The following LRSAM1 variants were observed in gnomAD, a reference collection of about 807,000 sequenced individuals.
LRSAM1 encodes the protein E3 ubiquitin-protein ligase LRSAM1.
A neutral mutation model predicts 118.1 loss-of-function variants in LRSAM1; 96 were observed. That is an observed-to-expected ratio of 0.81 (90% CI 0.69 to 0.96). The LOEUF (loss-of-function observed/expected upper bound fraction) is 0.96, where lower values mean the gene tolerates loss of function less well. LRSAM1 is among the 40% of genes least tolerant of loss of function. The probability of loss-of-function intolerance (pLI) is 0.00; values close to 1 mark genes in which losing one functional copy is unlikely to be tolerated. For synonymous variants in LRSAM1, 322 were observed against 364.2 expected (o/e 0.88, Z 1.32); for missense variants, 804 against 915.5 (o/e 0.88, Z 1.57).
At chr9:127,470,157 G>A (rs1269201113) in intron 10 of LRSAM1, among the ~76,000 whole-genome samples, 1 of 151,922 alleles carries the variant, frequency 6.6e-6, no homozygotes, top group African/African-American at 2.4e-5. Flanking sequence ...CTAGGTACAT[G>A]CCTGTATTAG....
chr9:127,457,563 G>A, intron 6 of LRSAM1, 170 bp downstream of exon 6: 1 of 706,902 alleles, frequency 1.4e-6, no homozygotes, highest in Non-Finnish European at 2.5e-6. Context: ...CTGTGTGTGG[G>A]TTAGGGTGAC....
intron 19 of LRSAM1, among the ~76,000 whole-genome samples, chr9:127,490,058 C>T (rs1198504774): frequency 6.7e-6 from 1 of 149,808 alleles, no homozygotes; most frequent in Non-Finnish European, 1.5e-5. Context: ...CAAGATACCC[C>T]CCACCCCCCG....
chr9:127,503,177 T>G lies in LRSAM1; in HGVS notation c.*278T>G. 2 of 486,248 alleles carry G rather than the reference T, an allele frequency of 4.1e-6. No individual in the cohort carries two copies. Among genetic ancestry groups the G allele is most frequent in the Non-Finnish European group, 7.6e-6 (2 of 264,654 alleles). The allele number at this position is 486,248 out of a possible 1,614,324, so 30.1% of individuals were successfully genotyped here. A position where few individuals can be genotyped will look rare whatever the true frequency, so the allele number is the denominator to read the frequency against. ...GAGCCTGGGAGCCAGCGTCCCAGCC[T>G]AATCACGGATCTGCTGCCTCCCAGC... On this transcript the variant is annotated 3_prime_UTR_variant, in exon 26 of 26. Transcript: ENST00000300417.
chr9:127,470,979 T>A (rs1214927714), intron 10 of LRSAM1: 1 of 151,922 alleles, frequency 6.6e-6, no homozygotes, highest in South Asian at 2.1e-4. Flanking sequence ...TGCACTTGAC[T>A]AATCTTAAAA....
intron 15 of LRSAM1, 48 bp downstream of exon 15, chr9:127,481,275 A>G: frequency 6.5e-7 from 1 of 1,540,392 alleles, no homozygotes; most frequent in Non-Finnish European, 8.9e-7. Context: ...TTTTTTTGAG[A>G]CGGAGTCCTG....
chr9:127,456,093 G>A (rs10987655), intron 5 of LRSAM1, among the ~76,000 whole-genome samples: 2 of 149,254 alleles, frequency 1.3e-5, no homozygotes, highest in Non-Finnish European at 3.0e-5. Flanking sequence ...TGATTTTTCA[G>A]CAGAGCATTG....
chr9:127,479,808 A>G (rs1291593548), intron 13 of LRSAM1, 31 bp from the exon 14 acceptor site: 2 of 1,607,890 alleles, frequency 1.2e-6, no homozygotes, highest in African/African-American at 2.7e-5. Context: ...AGGGGGTCCC[A>G]GGGGCTCAGG....
chr9:127,485,117 T>G (rs1475052431), intron 16 of LRSAM1, among the ~76,000 whole-genome samples: 1 of 152,152 alleles, frequency 6.6e-6, no homozygotes, highest in Non-Finnish European at 1.5e-5. Flanking sequence ...CTATTTTAAT[T>G]TGTTTAATTC....
intron 6 of LRSAM1, 81 bp from the exon 7 acceptor site, chr9:127,458,922 C>G (rs1834629413): frequency 1.4e-6 from 2 of 1,453,312 alleles, no homozygotes; most frequent in Admixed American, 3.3e-5. Context: ...TGAGGTGGCC[C>G]CAGCCCCTCC....
chr9:127,469,921 C>T (rs187985772), intron 10 of LRSAM1, among the ~76,000 whole-genome samples: 6 of 151,706 alleles, frequency 4.0e-5, no homozygotes, highest in Admixed American at 1.3e-4. Context: ...GCCGAGATTG[C>T]GCCACTGCAC....
chr9:127,479,963 TG>T lies in LRSAM1; in HGVS notation c.1029del (p.Gln344ArgfsTer13). The T allele has an allele frequency of 1.2e-6, 2 of 1,614,192 alleles. No individual in the cohort carries two copies. Among genetic ancestry groups the T allele is most frequent in the Non-Finnish European group, 1.7e-6 (2 of 1,180,038 alleles). On this transcript the variant is annotated frameshift_variant, in exon 14 of 26. Coordinates refer to ENST00000300417, the MANE Select transcript of LRSAM1 (RefSeq NM_001005373.4). LOFTEE classifies it high-confidence loss of function. ...QNISSRIQKL[L>X]QDNQRQKKSS... ...ATTTCCAGCCGGATCCAGAAGCTGCTGCAGGACAATCAGAGGTTGGGCTCTG... is the reference window on the plus strand; with the variant it reads ...ATTTCCAGCCGGATCCAGAAGCTGCTCAGGACAATCAGAGGTTGGGCTCTG...
chr9:127,472,177 G>A (rs888689883), intron 10 of LRSAM1, among the ~76,000 whole-genome samples: 7 of 150,032 alleles, frequency 4.7e-5, no homozygotes, highest in Non-Finnish European at 8.9e-5. Context: ...GGTCAGGCTG[G>A]TCTCGAACTC....
At chr9:127,490,176 T>C (rs138860248) in intron 19 of LRSAM1, among the ~76,000 whole-genome samples, 90 of 152,370 alleles carry the variant, frequency 5.9e-4, no homozygotes, top group African/African-American at 2.1e-3. Context: ...CGTCAGGCTA[T>C]GGGAGTACTC....
chr9:127,502,754 C>T lies in LRSAM1; in HGVS notation c.2047-20C>T, dbSNP rs1201073400. 6.2e-7 allele frequency: 1 copy of T among 1,610,626 alleles called. No individual in the cohort carries two copies. Among genetic ancestry groups the T allele is most frequent in the Non-Finnish European group, 8.5e-7 (1 of 1,178,870 alleles). On this transcript the variant is annotated intron_variant, in intron 25 of 25. Transcript: ENST00000300417. ...GGAACCCGGTAGGGCCAGCCACATG[C>T]TCCCGCTCTCCCTCCCCAGGCCCAG... is the stretch of plus-strand genomic sequence containing the variant.
intron 11 of LRSAM1, among the ~76,000 whole-genome samples, chr9:127,477,986 T>G (rs1032906036): frequency 1.3e-5 from 2 of 149,140 alleles, no homozygotes; most frequent in African/African-American, 5.0e-5. Flanking sequence ...GAGGTGGAGG[T>G]TGCAGTGAGC....
rs888908748 is a variant in LRSAM1, at chr9:127,465,409, C to G, written c.529-2331C>G. Among the ~76,000 whole-genome samples the G allele has an allele frequency of 1.3e-4, 20 of 152,194 alleles. No homozygotes were observed. The highest frequency in any genetic ancestry group is 4.8e-4 in the African/African-American group (20 of 41,444). Reference sequence around the variant, plus strand: ...TATTTTCAGTTACTTAAAATGTAACCATAAATGGCCACACATGGCTTGTAG... The same window carrying G: ...TATTTTCAGTTACTTAAAATGTAACGATAAATGGCCACACATGGCTTGTAG... On this transcript the variant is annotated intron_variant, in intron 9 of 25. Transcript: ENST00000300417. This position sits in a 1 kb window ranked among gnomAD's most constrained non-coding sequence, Gnocchi z 4.1.
chr9:127,486,362 G>T (rs1835731462), intron 17 of LRSAM1: 1 of 171,786 alleles, frequency 5.8e-6, no homozygotes, highest in Non-Finnish European at 1.3e-5. Context: ...CTGCTCTGGG[G>T]TCCGGCTCCC....
rs577254396 is a variant in LRSAM1, at chr9:127,497,258, C to T, written c.1836C>T (p.Gly612=). 44 of 1,613,116 alleles carry T rather than the reference C, an allele frequency of 2.7e-5. No individual in the cohort carries two copies. Among genetic ancestry groups the T allele is most frequent in the South Asian group, 1.6e-4 (15 of 91,078 alleles). Residue 612 remains glycine, a synonymous_variant, in exon 24 of 26, where the codon GGC becomes GGT. Coordinates refer to ENST00000300417, the MANE Select transcript of LRSAM1 (RefSeq NM_001005373.4). ...ACTTCCTTGAACTGTCACAGGTGGG[C>T]GTCTCAGAAGCTGGCCTGCAGCACG... ...QMSPGDLAKV[G]VSEAGLQHEI... is the part of the protein sequence containing the mutation.
chr9:127,473,877 G>A lies in LRSAM1; in HGVS notation c.696G>A (p.Arg232=). The part of the protein sequence containing the change: ...ILEQDGIENS[R]DSPDGPTDRF... Reference sequence around the variant, plus strand: ...AGCAAGATGGAATCGAGAACTCTCGGGACAGCCCTGATGGGCCCACGGACA... The same window carrying A: ...AGCAAGATGGAATCGAGAACTCTCGAGACAGCCCTGATGGGCCCACGGACA... Residue 232 remains arginine, a synonymous_variant, in exon 11 of 26, where the codon CGG becomes CGA. Transcript: ENST00000300417. 6.2e-7 allele frequency: 1 copy of A among 1,614,260 alleles called. No homozygotes were observed. Among genetic ancestry groups the A allele is most frequent in the Non-Finnish European group, 8.5e-7 (1 of 1,180,044 alleles).
Sources: gnomAD v4.1 joint callset for allele counts (sites outside exome capture counted in the v4.1 genomes callset) on GRCh38, gnomAD v4.1.1 for gene constraint, Gnocchi (gnomAD v3.1) non-coding constraint, MANE v1.5 for transcripts, NCBI Gene and HGNC (gene_info 2026-07-23, HGNC 2026-07-21) for gene names.